Variants in DOCK5 observed in about 807,000 individuals in gnomAD.
The protein encoded by DOCK5 is dedicator of cytokinesis 5.
DOCK5 carries 142 observed loss-of-function variants against 251.8 expected under a neutral mutation model. The ratio of observed to expected loss-of-function variants is 0.56; its 90% confidence interval spans 0.49 to 0.65. DOCK5 has a LOEUF of 0.65. Ranked by LOEUF, DOCK5 falls within the 30% of genes least tolerant of loss-of-function variation. The pLI is 0.00. For synonymous variants in DOCK5, 842 were observed against 835.5 expected (o/e 1.01, Z -0.13); for missense variants, 2,111 against 2,312.3 (o/e 0.91, Z 1.79).
chr8:25,412,078 C>CTTTTTTTTTT lies in DOCK5; in HGVS notation c.*794_*803dup, dbSNP rs56131241. On this transcript the variant is annotated 3_prime_UTR_variant, in exon 52 of 52. Coordinates refer to ENST00000276440, the MANE Select transcript of DOCK5 (RefSeq NM_024940.8). ...GAAGCTCTTCCTTTTGCACATACGGCTTTTTTTTTTTTTTTTTTTTTTTGT... is the reference window on the plus strand; with the variant it reads ...GAAGCTCTTCCTTTTGCACATACGGCTTTTTTTTTTTTTTTTTTTTTTTTTTTTTTTTTGT... 1.8e-4 allele frequency: 15 copies of CTTTTTTTTTT among 82,876 alleles called. No individual in the cohort carries two copies. Among genetic ancestry groups the CTTTTTTTTTT allele is most frequent in the Non-Finnish European group, 1.9e-4 (9 of 47,910 alleles). 5.1% of individuals were successfully genotyped at this position (82,876 alleles called of 1,614,324 possible).
chr8:25,255,781 TATG>T (rs1275007700), intron 2 of DOCK5, among the ~76,000 whole-genome samples: 3 of 152,230 alleles, frequency 2.0e-5, no homozygotes, highest in Non-Finnish European at 4.4e-5. Context: ...ACAAGAGGTA[TATG>T]ATAACTTTCT....
At chr8:25,375,608 T>A in intron 37 of DOCK5, 1 of 859,416 alleles carries the variant, frequency 1.2e-6, no homozygotes, top group African/African-American at 1.8e-5. Flanking sequence ...CCTTGAGCAC[T>A]ACAGCAGCCT....
chr8:25,191,789 A>G (rs1586215268), intron 1 of DOCK5, among the ~76,000 whole-genome samples: 1 of 151,846 alleles, frequency 6.6e-6, no homozygotes, highest in African/African-American at 2.4e-5. Context: ...TATTTATTAT[A>G]CTTTAAGTTC....
intron 2 of DOCK5, among the ~76,000 whole-genome samples, chr8:25,263,548 A>T (rs1259753121): frequency 1.3e-5 from 2 of 151,744 alleles, no homozygotes; most frequent in African/African-American, 2.4e-5. Flanking sequence ...TAGCTATTTG[A>T]TCAGTTCCCT....
At chr8:25,367,575 A>T (rs1440740963) in intron 31 of DOCK5, among the ~76,000 whole-genome samples, 4 of 152,204 alleles carry the variant, frequency 2.6e-5, no homozygotes, top group Middle Eastern at 3.2e-3. Flanking sequence ...CCTTGTTGGG[A>T]TATCTGCGAT....
intron 38 of DOCK5, among the ~76,000 whole-genome samples, chr8:25,378,123 A>C (rs1162844481): frequency 6.6e-6 from 1 of 152,124 alleles, no homozygotes; most frequent in Admixed American, 6.5e-5. Flanking sequence ...TTTGTCCCTG[A>C]AGATTGGGCT....
At chr8:25,192,823 C>G (rs1382304389) in intron 1 of DOCK5, among the ~76,000 whole-genome samples, 4 of 152,100 alleles carry the variant, frequency 2.6e-5, no homozygotes, top group Non-Finnish European at 5.9e-5. Context: ...ATACTATTTT[C>G]TATGTTATAT....
chr8:25,291,407 G>A (rs1184582401), intron 5 of DOCK5, among the ~76,000 whole-genome samples: 3 of 152,168 alleles, frequency 2.0e-5, no homozygotes, highest in Admixed American at 2.0e-4. Flanking sequence ...ATCAGGCTAG[G>A]CGCAGTGGCT....
At chr8:25,190,685 A>G (rs1801557297) in intron 1 of DOCK5, among the ~76,000 whole-genome samples, 2 of 150,984 alleles carry the variant, frequency 1.3e-5, no homozygotes, top group African/African-American at 4.9e-5. Context: ...AGACAGTGAT[A>G]CTTGTTGACC....
chr8:25,192,609 G>A (rs914416433), intron 1 of DOCK5, among the ~76,000 whole-genome samples: 12 of 152,230 alleles, frequency 7.9e-5, no homozygotes, highest in African/African-American at 2.4e-4. Flanking sequence ...GAGCTCAAGC[G>A]ATTCTCCCAC....
chr8:25,351,739 T>C lies in DOCK5; in HGVS notation c.2763T>C (p.Thr921=), dbSNP rs537260806. The C allele has an allele frequency of 3.1e-6, 5 of 1,613,584 alleles. No individual in the cohort carries two copies. In the South Asian group the frequency reaches 5.5e-5, roughly 18 times the overall value. Reference sequence around the variant, plus strand: ...TCCTGTGTTCCCTGCAGGGTGCCACTGCGGTGCACATTCAGCTTATAATGG... The same window carrying C: ...TCCTGTGTTCCCTGCAGGGTGCCACCGCGGTGCACATTCAGCTTATAATGG... ...EVLDRKDVGA[T]AVHIQLIMER... is the part of the protein sequence containing the mutation. The change falls in exon 27 of 52, where the codon ACT becomes ACC. Residue 921 remains threonine (T), a synonymous_variant. Coordinates refer to ENST00000276440, the MANE Select transcript of DOCK5 (RefSeq NM_024940.8).
chr8:25,246,630 G>A (rs1236665951), intron 2 of DOCK5, among the ~76,000 whole-genome samples: 1 of 151,618 alleles, frequency 6.6e-6, no homozygotes, highest in African/African-American at 2.4e-5. Flanking sequence ...AGCAGCCCCA[G>A]ATGCTGAGCT....
At chr8:25,323,984 C>G in intron 17 of DOCK5, 33 bp downstream of exon 17, 3 of 1,557,304 alleles carry the variant, frequency 1.9e-6, no homozygotes, top group Non-Finnish European at 1.7e-6. Flanking sequence ...GAGAAAAATA[C>G]TCCCTTTCAA....
intron 39 of DOCK5, among the ~76,000 whole-genome samples, chr8:25,381,695 G>T (rs1253338018): frequency 6.6e-6 from 1 of 151,928 alleles, no homozygotes; most frequent in Non-Finnish European, 1.5e-5. Context: ...GTTACATACC[G>T]GTCTAAGAAA....
chr8:25,263,548 A>G (rs1259753121), intron 2 of DOCK5, among the ~76,000 whole-genome samples: 1 of 151,744 alleles, frequency 6.6e-6, no homozygotes, highest in Non-Finnish European at 1.5e-5. Flanking sequence ...TAGCTATTTG[A>G]TCAGTTCCCT....
intron 2 of DOCK5, among the ~76,000 whole-genome samples, chr8:25,248,859 G>T (rs189970551): frequency 3.9e-5 from 6 of 151,958 alleles, no homozygotes; most frequent in African/African-American, 1.2e-4. Flanking sequence ...AGGGGGTCAG[G>T]GGTCACCTCC....
rs537260806 is a variant in DOCK5, at chr8:25,351,739, T to G, written c.2763T>G (p.Thr921=). The stretch of plus-strand genomic sequence containing the variant: ...TCCTGTGTTCCCTGCAGGGTGCCAC[T>G]GCGGTGCACATTCAGCTTATAATGG... ...EVLDRKDVGA[T]AVHIQLIMER... The change falls in exon 27 of 52, where the codon ACT becomes ACG. Residue 921 remains threonine (T), a synonymous_variant. Transcript: ENST00000276440. 6.2e-7 allele frequency: 1 copy of G among 1,613,586 alleles called. No homozygotes were observed. The highest frequency in any genetic ancestry group is 8.5e-7 in the Non-Finnish European group (1 of 1,179,700).
At chr8:25,218,953 C>T (rs1159787636) in intron 1 of DOCK5, among the ~76,000 whole-genome samples, 1 of 152,196 alleles carries the variant, frequency 6.6e-6, no homozygotes, top group Non-Finnish European at 1.5e-5. Context: ...CACTTTCCTT[C>T]GTCTTCTTCT....
At position 25,267,068 on chromosome 8, in the gene DOCK5, A is replaced by G. The variant is rs527826335; in HGVS notation, c.128-1777A>G. On this transcript the variant is annotated intron_variant, in intron 2 of 51. Transcript: ENST00000276440. The stretch of plus-strand genomic sequence containing the variant: ...CCGCCTCCCACTCTGCCCTTTTCCC[A>G]GGGTGAATTCGAAGCCATTTATTCA... Among the ~76,000 whole-genome samples the G allele has an allele frequency of 2.6e-5, 4 of 152,268 alleles. No individual in the cohort carries two copies. In the East Asian group the frequency reaches 7.7e-4, roughly 29 times the overall value.
Sources: allele counts gnomAD v4.1 joint callset (sites outside exome capture counted in the v4.1 genomes callset), GRCh38; gene constraint gnomAD v4.1.1; transcripts MANE v1.5; gene names NCBI Gene and HGNC (gene_info 2026-07-23, HGNC 2026-07-21).